The following MAMDC4 variants were observed in gnomAD, a reference collection of about 807,000 sequenced individuals.
MAMDC4 encodes MAM domain containing 4.
MAMDC4 carries 168 observed loss-of-function variants against 153.3 expected under a neutral mutation model. The ratio of observed to expected loss-of-function variants is 1.10; its 90% confidence interval spans 0.97 to 1.25. MAMDC4 has a LOEUF of 1.25. Ranked by LOEUF, MAMDC4 falls within the 50% of genes most tolerant of loss-of-function variation. The pLI, the probability that MAMDC4 is intolerant of heterozygous loss-of-function variation, is 0.00. For missense variants in MAMDC4, 1,701 were observed against 1,542.8 expected, an observed-to-expected ratio of 1.10 and a Z score of -1.72; for synonymous variants, 744 against 651.5, an observed-to-expected ratio of 1.14 and a Z score of -2.16.
chr9:136,854,149 C>T, intron 6 of MAMDC4, 62 bp from the exon 7 acceptor site: 3 of 1,611,012 alleles, frequency 1.9e-6, no homozygotes, highest in Non-Finnish European at 2.5e-6. Context: ...CAGACCCTGT[C>T]TGCCCCCGAG....
rs774619653 is a variant in MAMDC4, at chr9:136,854,666, C to T, written c.924C>T (p.Asn308=). ...GGCCACGCCGTGACCACAGCCGGAA[C>T]AGTGCACAGGGTGAGGCCCACAGAG... ...PSWPRRDHSR[N]SAQGSFLVSV... Residue 308 remains asparagine (N), a synonymous_variant, in exon 8 of 27, where the codon AAC becomes AAT. Coordinates refer to ENST00000317446, the MANE Select transcript of MAMDC4 (RefSeq NM_206920.3). 1 of 1,610,994 alleles carries T rather than the reference C, an allele frequency of 6.2e-7. No individual in the cohort carries two copies. The highest frequency in any genetic ancestry group is 8.5e-7 in the Non-Finnish European group (1 of 1,179,252).
intron 13 of MAMDC4, 43 bp downstream of exon 13, chr9:136,855,891 A>G: frequency 6.8e-7 from 1 of 1,480,854 alleles, no homozygotes; most frequent in Non-Finnish European, 9.0e-7. Context: ...CCCGGGTGTG[A>G]GCAGCGTCCT....
intron 26 of MAMDC4, 104 bp from the exon 27 acceptor site, chr9:136,860,458 T>C: frequency 1.6e-6 from 2 of 1,218,090 alleles, no homozygotes; most frequent in Admixed American, 2.0e-5. Context: ...GAGGCAGGGG[T>C]TGCAGTGAGC....
chr9:136,860,125 C>CGGGCA (rs1849065495), intron 26 of MAMDC4, 61 bp downstream of exon 26: 1 of 1,468,934 alleles, frequency 6.8e-7, no homozygotes, highest in Non-Finnish European at 9.1e-7. Context: ...CGCTGGAGGG[C>CGGGCA]GGGCAGTGGC....
intron 16 of MAMDC4, 31 bp from the exon 17 acceptor site, chr9:136,857,134 G>A (rs1564387700): frequency 2.5e-6 from 4 of 1,609,660 alleles, no homozygotes; most frequent in Admixed American, 1.7e-5. Flanking sequence ...ACAGGAGAGA[G>A]GTCAGTTATG....
rs144788206 is a variant in MAMDC4, at chr9:136,854,631, C to T, written c.889C>T (p.Arg297Cys). Residue 297 changes from arginine to cysteine, a missense_variant, in exon 8 of 27, where the codon CGC (arginine) becomes TGC (cysteine). Transcript: ENST00000317446. ...GAACCACCGCGCTGGTGGTCCTGAG[C>T]GCCCCTCCTGGCCACGCCGTGACCA... ...SRNHRAGGPERPSWPRRDHSR... is the reference protein window; with the variant it reads ...SRNHRAGGPECPSWPRRDHSR... 44 of 1,608,264 alleles carry T rather than the reference C, an allele frequency of 2.7e-5. No individual in the cohort carries two copies. The African/African-American group carries it at 3.9e-4, about 14-fold the overall frequency.
intron 14 of MAMDC4, 44 bp downstream of exon 14, chr9:136,856,193 T>C: frequency 6.2e-7 from 1 of 1,611,922 alleles, no homozygotes; most frequent in Non-Finnish European, 8.5e-7. Context: ...CCCTGGGTGC[T>C]CCCTGCACAG....
intron 26 of MAMDC4, 56 bp downstream of exon 26, chr9:136,860,120 G>A: frequency 1.3e-6 from 2 of 1,484,266 alleles, no homozygotes; most frequent in South Asian, 1.4e-5. Context: ...TGTGACGCTG[G>A]AGGGCGGGCA....
Position 136,858,854 on chromosome 9 carries a change from G to A in MAMDC4, c.2956+1G>A, listed in dbSNP as rs1178146417. Reference sequence around the variant, plus strand: ...CACATGGGTTTTCCTGAGCACTTCTGTGAGTCCGGCTGGGCCAATGGGTGC... The same window carrying A: ...CACATGGGTTTTCCTGAGCACTTCTATGAGTCCGGCTGGGCCAATGGGTGC... On this transcript the variant is annotated splice_donor_variant, in intron 23 of 26. Coordinates refer to ENST00000317446, the MANE Select transcript of MAMDC4 (RefSeq NM_206920.3). LOFTEE classifies it high-confidence loss of function. The A allele has an allele frequency of 6.2e-7, 1 of 1,607,004 alleles. No homozygotes were observed. The highest frequency in any genetic ancestry group is 8.5e-7 in the Non-Finnish European group (1 of 1,176,932).
intron 1 of MAMDC4, 150 bp downstream of exon 1, chr9:136,852,612 G>C: frequency 2.0e-6 from 2 of 984,498 alleles, no homozygotes; most frequent in Non-Finnish European, 3.1e-6. Context: ...GCCTGCAAGG[G>C]GGGTGACCTG....
Position 136,858,783 on chromosome 9 carries a change from C to T in MAMDC4, c.2886C>T (p.Ser962=), listed in dbSNP as rs183692211. 65 of 1,610,114 alleles carry T rather than the reference C, an allele frequency of 4.0e-5. 1 individual carries two copies. In the East Asian group the frequency reaches 8.3e-4, roughly 20 times the overall value. Residue 962 remains serine, a synonymous_variant, in exon 23 of 27, where the codon AGC becomes AGT. Coordinates refer to ENST00000317446, the MANE Select transcript of MAMDC4 (RefSeq NM_206920.3). ...GGGGCCGGGCCGCCTGGCTGCGCAG[C>T]GAGCCTCTGCCGGCCACCCCAGCCT... ...GPGGRAAWLR[S]EPLPATPASC...
chr9:136,859,668 C>T, intron 25 of MAMDC4: 1 of 606,148 alleles, frequency 1.6e-6, no homozygotes, highest in South Asian at 2.0e-5. Flanking sequence ...GGGAAAGAAT[C>T]TCGCCTGGGG....
chr9:136,857,416 A>G lies in MAMDC4; in HGVS notation c.2156A>G (p.Asp719Gly). ...RDGYHGTMAL[D>G]DVAVRPGPCW... is the part of the protein sequence containing the mutation. ...GGATACCACGGCACCATGGCGCTGG[A>G]CGATGTGGCCGTGCGGCCGGGCCCC... Residue 719 changes from aspartate to glycine, a missense_variant, in exon 18 of 27, where the codon GAC becomes GGC. Physicochemically the swap from Asp to Gly is moderately conservative, Grantham distance 94. Coordinates refer to ENST00000317446, the MANE Select transcript of MAMDC4 (RefSeq NM_206920.3). The G allele has an allele frequency of 1.2e-6, 2 of 1,608,222 alleles. No individual in the cohort carries two copies.
chr9:136,856,136 G>A lies in MAMDC4; in HGVS notation c.1707G>A (p.Gln569=). The part of the protein sequence containing the change: ...SCELHLAYYL[Q]SQPREVSCNF... ...AACTCCACCTGGCTTATTATTTACAGAGCCAGCCCCGAGGTACCGCCACAC... is the reference window on the plus strand; with the variant it reads ...AACTCCACCTGGCTTATTATTTACAAAGCCAGCCCCGAGGTACCGCCACAC... Residue 569 remains glutamine, a synonymous_variant, in exon 14 of 27, where the codon CAG becomes CAA. Coordinates refer to ENST00000317446, the MANE Select transcript of MAMDC4 (RefSeq NM_206920.3). 4 of 1,612,248 alleles carry A rather than the reference G, an allele frequency of 2.5e-6. No homozygotes were observed. The highest frequency in any genetic ancestry group is 1.1e-5 in the South Asian group (1 of 91,056).
At chr9:136,856,202 A>G (rs1849001932) in intron 14 of MAMDC4, 53 bp downstream of exon 14, 15 of 1,611,550 alleles carry the variant, frequency 9.3e-6, no homozygotes, top group Admixed American at 1.7e-5. Context: ...CTCCCTGCAC[A>G]GTGGGAGGGG....
chr9:136,856,599 C>A, intron 14 of MAMDC4, 111 bp from the exon 15 acceptor site: 1 of 1,019,460 alleles, frequency 9.8e-7, no homozygotes, highest in Non-Finnish European at 1.6e-6. Flanking sequence ...ATCCTCACTC[C>A]CACCTGGGTG....
Position 136,857,786 on chromosome 9 carries a change from C to G in MAMDC4, c.2454C>G (p.Leu818=). Reference sequence around the variant, plus strand: ...TGACCTTCTGGTACCACGGGAGCCTCCGCAGCCCAGGTGAGGGGCTTTGGG... The same window carrying G: ...TGACCTTCTGGTACCACGGGAGCCTGCGCAGCCCAGGTGAGGGGCTTTGGG... ...ACLTFWYHGS[L]RSPGTLRVYL... Residue 818 remains leucine, a synonymous_variant, in exon 19 of 27, where the codon CTC becomes CTG. Coordinates refer to ENST00000317446, the MANE Select transcript of MAMDC4 (RefSeq NM_206920.3). 1 of 1,612,328 alleles carries G rather than the reference C, an allele frequency of 6.2e-7. No individual in the cohort carries two copies.
chr9:136,853,921 G>T lies in MAMDC4; in HGVS notation c.585+14G>T, dbSNP rs55955521. 5.6e-6 allele frequency: 9 copies of T among 1,612,626 alleles called. No homozygotes were observed. The Admixed American group carries it at 1.0e-4, about 18-fold the overall frequency. On this transcript the variant is annotated intron_variant, in intron 5 of 26. Transcript: ENST00000317446. ...GGTGACTTCCGAGTGAGCTGGGAGG[G>T]TCTGGACGAGTGGGGGCCTTGAGGA... is the stretch of plus-strand genomic sequence containing the variant.
chr9:136,853,245 C>T (rs377511715), intron 2 of MAMDC4, 36 bp downstream of exon 2: 69 of 1,611,762 alleles, frequency 4.3e-5, no homozygotes, highest in Non-Finnish European at 5.3e-5. Context: ...AGGGCCAGTG[C>T]GAGCAGGTCT....
Sources: gnomAD v4.1 joint callset for allele counts on GRCh38, gnomAD v4.1.1 for gene constraint, MANE v1.5 for transcripts, NCBI Gene and HGNC (gene_info 2026-07-23, HGNC 2026-07-21) for gene names.